Variants in GALNT7 observed in about 807,000 individuals in gnomAD.
GALNT7 encodes the protein polypeptide N-acetylgalactosaminyltransferase 7.
Under a neutral mutation model 82.1 loss-of-function variants are expected in GALNT7, and 60 were observed. The observed-to-expected ratio is 0.73, with a 90% CI of 0.59 to 0.91. GALNT7 has a LOEUF of 0.91. Among genes scored for constraint, GALNT7 ranks in the 40% least tolerant of loss-of-function variants. The pLI is 0.00. For synonymous variants in GALNT7, 243 were observed against 275.1 expected, an observed-to-expected ratio of 0.88 and a Z score of 1.15; for missense variants, 660 against 804.2, an observed-to-expected ratio of 0.82 and a Z score of 2.17.
intron 1 of GALNT7, among the ~76,000 whole-genome samples, chr4:173,239,380 A>T (rs1734342067): frequency 6.6e-6 from 1 of 152,224 alleles, no homozygotes; most frequent in Admixed American, 6.5e-5. Context: ...ACAAACATGC[A>T]CTGAGTACCT....
At chr4:173,245,685 C>T (rs1389374485) in intron 1 of GALNT7, among the ~76,000 whole-genome samples, 7 of 152,134 alleles carry the variant, frequency 4.6e-5, no homozygotes, top group African/African-American at 1.7e-4. Context: ...TTACTTACAA[C>T]ACTAACATAA....
At chr4:173,211,862 A>G (rs1304998358) in intron 1 of GALNT7, among the ~76,000 whole-genome samples, 2 of 152,252 alleles carry the variant, frequency 1.3e-5, no homozygotes, top group Non-Finnish European at 2.9e-5. Context: ...TTATTTTAGT[A>G]TATCTCTGGA....
In GALNT7 at chr4:173,302,403, A is replaced by G. The variant is rs1310383060; in HGVS notation, c.1266+239A>G. On this transcript the variant is annotated intron_variant, in intron 7 of 11. Transcript: ENST00000265000. This position sits in a 1 kb window ranked among gnomAD's most constrained non-coding sequence, Gnocchi z 4.2. ...CTCAAAATTGTGGCTAGCAAGCTTT[A>G]GAAATGAAAATATCTACCCCCACAC... Among the ~76,000 whole-genome samples the G allele has an allele frequency of 6.6e-6, 1 of 152,220 alleles. No individual in the cohort carries two copies. Among genetic ancestry groups the G allele is most frequent in the East Asian group, 1.9e-4 (1 of 5,202 alleles).
chr4:173,174,002 T>C (rs147921704), intron 1 of GALNT7, among the ~76,000 whole-genome samples: 151 of 152,314 alleles, frequency 9.9e-4, no homozygotes, highest in Non-Finnish European at 1.7e-3. Flanking sequence ...AGATTGTACT[T>C]CAAATGGAAG....
At chr4:173,277,496 T>C (rs1489993366) in intron 2 of GALNT7, among the ~76,000 whole-genome samples, 3 of 152,188 alleles carry the variant, frequency 2.0e-5, no homozygotes, top group South Asian at 2.1e-4. Context: ...AGGACTCTGA[T>C]TGGCACTTCT....
At chr4:173,179,162 G>A (rs767079659) in intron 1 of GALNT7, among the ~76,000 whole-genome samples, 25 of 152,074 alleles carry the variant, frequency 1.6e-4, no homozygotes, top group Admixed American at 3.3e-4. Context: ...CTGTGTATTC[G>A]CTGGTATCTT....
intron 2 of GALNT7, among the ~76,000 whole-genome samples, chr4:173,286,381 G>A (rs1334669347): frequency 1.3e-5 from 2 of 152,204 alleles, no homozygotes; most frequent in East Asian, 1.9e-4. Flanking sequence ...TCCTTAGAGG[G>A]CAGCACTCCT....
chr4:173,186,041 T>C (rs1322735039), intron 1 of GALNT7, among the ~76,000 whole-genome samples: 1 of 152,206 alleles, frequency 6.6e-6, no homozygotes, highest in Non-Finnish European at 1.5e-5. Context: ...AAGATAAGTA[T>C]GTGCCACATA....
chr4:173,268,828 C>T (rs905700179), intron 2 of GALNT7, among the ~76,000 whole-genome samples: 2 of 151,922 alleles, frequency 1.3e-5, no homozygotes, highest in Non-Finnish European at 2.9e-5. Context: ...CGTGAGCCAC[C>T]GCACCCGGAC....
intron 2 of GALNT7, among the ~76,000 whole-genome samples, chr4:173,259,485 A>C (rs72999537): frequency 1.3e-5 from 2 of 149,900 alleles, no homozygotes; most frequent in Non-Finnish European, 3.0e-5. Flanking sequence ...CAATCCTGCT[A>C]TTTCTCTAGT....
intron 1 of GALNT7, among the ~76,000 whole-genome samples, chr4:173,211,189 C>T (rs191948427): frequency 6.6e-6 from 1 of 152,202 alleles, no homozygotes; most frequent in East Asian, 1.9e-4. Context: ...TTGGAAATAA[C>T]CACATCTAGA....
At chr4:173,175,147 T>C (rs1731995917) in intron 1 of GALNT7, among the ~76,000 whole-genome samples, 2 of 152,352 alleles carry the variant, frequency 1.3e-5, no homozygotes, top group African/African-American at 4.8e-5. Context: ...AACTAGATAA[T>C]TGTCTTTGTT....
At chr4:173,280,835 A>G (rs1736085231) in intron 2 of GALNT7, among the ~76,000 whole-genome samples, 1 of 152,242 alleles carries the variant, frequency 6.6e-6, no homozygotes, top group Non-Finnish European at 1.5e-5. Flanking sequence ...AAATCTTAAT[A>G]GCAAGGCTTT....
chr4:173,192,770 C>T (rs751058553), intron 1 of GALNT7, among the ~76,000 whole-genome samples: 6 of 152,290 alleles, frequency 3.9e-5, no homozygotes, highest in East Asian at 1.9e-4. Context: ...AAGACACATG[C>T]GTTTCATTTT....
At chr4:173,194,727 T>C (rs1030246524) in intron 1 of GALNT7, among the ~76,000 whole-genome samples, 1 of 152,302 alleles carries the variant, frequency 6.6e-6, no homozygotes, top group East Asian at 1.9e-4. Context: ...GCCATGTTGG[T>C]GTGCTGCACC....
intron 2 of GALNT7, among the ~76,000 whole-genome samples, chr4:173,282,156 C>T (rs1736135948): frequency 6.6e-6 from 1 of 152,222 alleles, no homozygotes; most frequent in Non-Finnish European, 1.5e-5. Flanking sequence ...GTCTGTGCAA[C>T]TCCCCTTATC....
chr4:173,287,373 C>A (rs1736362196), intron 2 of GALNT7, among the ~76,000 whole-genome samples: 1 of 152,248 alleles, frequency 6.6e-6, no homozygotes, highest in African/African-American at 2.4e-5. Flanking sequence ...TGGGTTAAAT[C>A]TTGGAAGGCC....
chr4:173,274,133 A>G (rs866507391), intron 2 of GALNT7, among the ~76,000 whole-genome samples: 2 of 152,320 alleles, frequency 1.3e-5, no homozygotes, highest in African/African-American at 4.8e-5. Context: ...ATACAAGAAC[A>G]TATGTCCAGT....
intron 1 of GALNT7, among the ~76,000 whole-genome samples, chr4:173,211,191 A>G (rs1050344384): frequency 2.0e-5 from 3 of 152,210 alleles, no homozygotes; most frequent in Admixed American, 6.5e-5. Flanking sequence ...GGAAATAACC[A>G]CATCTAGAAG....
Sources: allele counts gnomAD v4.1 joint callset (sites outside exome capture counted in the v4.1 genomes callset), GRCh38; gene constraint gnomAD v4.1.1; non-coding constraint Gnocchi (gnomAD v3.1); transcripts MANE v1.5; gene names NCBI Gene and HGNC (gene_info 2026-07-23, HGNC 2026-07-21).